PHTF2: variants seen among roughly 807,000 people sequenced by gnomAD.
PHTF2 encodes the protein protein PHTF2.
Under a neutral mutation model 101.2 loss-of-function variants are expected in PHTF2, and 60 were observed. The ratio of observed to expected loss-of-function variants is 0.59; its 90% confidence interval spans 0.48 to 0.73. PHTF2 has a LOEUF of 0.73. PHTF2 is among the 30% of genes least tolerant of loss of function. The probability of loss-of-function intolerance (pLI) is 0.00; values close to 1 mark genes in which losing one functional copy is unlikely to be tolerated. For synonymous variants in PHTF2, 311 were observed against 307.3 expected (o/e 1.01, Z -0.13); for missense variants, 747 against 908.7 (o/e 0.82, Z 2.29).
At chr7:77,919,957 A>G (rs1219195812) in intron 9 of PHTF2, among the ~76,000 whole-genome samples, 1 of 152,178 alleles carries the variant, frequency 6.6e-6, no homozygotes, top group Non-Finnish European at 1.5e-5. Flanking sequence ...TATATTTTTA[A>G]CCATAATAAA....
intron 3 of PHTF2, among the ~76,000 whole-genome samples, chr7:77,893,361 T>C (rs1800606655): frequency 6.6e-6 from 1 of 152,200 alleles, no homozygotes; most frequent in South Asian, 2.1e-4. Context: ...TTTCTGATTC[T>C]GTAACTCTGG....
chr7:77,947,161 GCAACAACAA>G (rs138016145), intron 16 of PHTF2, among the ~76,000 whole-genome samples: 15 of 151,548 alleles, frequency 9.9e-5, no homozygotes, highest in Admixed American at 3.9e-4. Flanking sequence ...ATTTTCAATA[GCAACAACAA>G]CAACAACAAC....
At chr7:77,896,939 A>C (rs1800926251) in intron 5 of PHTF2, among the ~76,000 whole-genome samples, 1 of 152,238 alleles carries the variant, frequency 6.6e-6, no homozygotes, top group Non-Finnish European at 1.5e-5. Context: ...TTAAAGACCC[A>C]GAGTTGATAT....
chr7:77,809,320 G>A (rs903968032), intron 1 of PHTF2, among the ~76,000 whole-genome samples: 2 of 143,064 alleles, frequency 1.4e-5, no homozygotes, highest in African/African-American at 5.3e-5. Context: ...TCCGCCTCCC[G>A]GCTTCAAATG....
At chr7:77,799,235 C>T (rs1472770228) in intron 1 of PHTF2, among the ~76,000 whole-genome samples, 1 of 152,130 alleles carries the variant, frequency 6.6e-6, no homozygotes, top group African/African-American at 2.4e-5. Flanking sequence ...TCGCGCGGTC[C>T]TCAAGTCTTG....
intron 1 of PHTF2, among the ~76,000 whole-genome samples, chr7:77,812,114 C>A (rs537391328): frequency 3.9e-5 from 6 of 152,070 alleles, no homozygotes; most frequent in Non-Finnish European, 7.4e-5. Context: ...GAAAAAGAAC[C>A]TGGATGGTGA....
chr7:77,848,783 T>G (rs1275385194), intron 2 of PHTF2, among the ~76,000 whole-genome samples: 1 of 152,200 alleles, frequency 6.6e-6, no homozygotes, highest in Non-Finnish European at 1.5e-5. Context: ...CTTTGCCCAG[T>G]CCATTATCTT....
intron 1 of PHTF2, among the ~76,000 whole-genome samples, chr7:77,799,215 C>T (rs1444063624): frequency 1.3e-5 from 2 of 152,184 alleles, no homozygotes; most frequent in African/African-American, 2.4e-5. Context: ...CAGCCGCCTT[C>T]CTCCCGAGCT....
At chr7:77,905,087 G>A (rs533381048) in intron 7 of PHTF2, among the ~76,000 whole-genome samples, 2 of 152,332 alleles carry the variant, frequency 1.3e-5, no homozygotes, top group Admixed American at 6.5e-5. Context: ...GCCCAGGGAA[G>A]CCAAAAGATT....
At chr7:77,878,112 CAG>C (rs1294316039) in intron 3 of PHTF2, among the ~76,000 whole-genome samples, 1 of 152,068 alleles carries the variant, frequency 6.6e-6, no homozygotes, top group African/African-American at 2.4e-5. Flanking sequence ...GTTTTTGCAG[CAG>C]AGAGTTGAAA....
chr7:77,940,432 C>A (rs1298385904), intron 14 of PHTF2, 96 bp from the exon 14 acceptor site: 39 of 1,299,202 alleles, frequency 3.0e-5, no homozygotes, highest in Non-Finnish European at 4.0e-5. Flanking sequence ...TTTTATAGTA[C>A]CTAACCAAAT....
exon 20 of PHTF2, chr7:77,955,004 A>G: frequency 4.2e-6 from 2 of 472,530 alleles, no homozygotes; most frequent in South Asian, 8.1e-5. Flanking sequence ...TTTACATCAG[A>G]CTGTCTTGTG....
chr7:77,833,163 G>A (rs528744142), intron 1 of PHTF2, among the ~76,000 whole-genome samples: 1 of 152,324 alleles, frequency 6.6e-6, no homozygotes, highest in African/African-American at 2.4e-5. Context: ...TTAAATGGAA[G>A]AATTTGGGAG....
chr7:77,879,080 A>G (rs960564580), intron 3 of PHTF2, among the ~76,000 whole-genome samples: 6 of 152,190 alleles, frequency 3.9e-5, no homozygotes, highest in African/African-American at 9.7e-5. Context: ...TTCTTATGCA[A>G]CCATATCCAG....
At chr7:77,872,499 C>T (rs1798601565) in intron 3 of PHTF2, among the ~76,000 whole-genome samples, 1 of 152,208 alleles carries the variant, frequency 6.6e-6, no homozygotes, top group Admixed American at 6.5e-5. Flanking sequence ...ATTCTGATTG[C>T]CGCTTTGCCT....
At chr7:77,820,057 T>C (rs1794157112) in intron 1 of PHTF2, among the ~76,000 whole-genome samples, 1 of 152,000 alleles carries the variant, frequency 6.6e-6, no homozygotes, top group African/African-American at 2.4e-5. Flanking sequence ...ACCCGGCTAA[T>C]TTTGTATTTT....
At chr7:77,891,482 T>G (rs1199392037) in intron 3 of PHTF2, among the ~76,000 whole-genome samples, 1 of 152,172 alleles carries the variant, frequency 6.6e-6, no homozygotes, top group Admixed American at 6.5e-5. Context: ...TCATAGAGAC[T>G]CATGGCAGTT....
chr7:77,953,946 T>C (rs1806765992), intron 19 of PHTF2, 52 bp downstream of exon 18: 1 of 1,574,562 alleles, frequency 6.4e-7, no homozygotes, highest in Non-Finnish European at 8.7e-7. Context: ...GCATTTTTGT[T>C]GCGCCCATTT....
chr7:77,922,753 A>C lies in PHTF2; in HGVS notation c.1094A>C (p.His365Pro), dbSNP rs752955673. The change falls in exon 11 of 20, where the codon CAT (histidine) becomes CCT (proline). Residue 365 changes from histidine (H) to proline (P), a missense_variant. Physicochemically the swap from His to Pro is moderately conservative, Grantham distance 77. Coordinates refer to ENST00000416283, the Ensembl canonical transcript of PHTF2. ...GTTCTTCGGAATAGAAAGTCACACC[A>C]TTATAAGAAACATTACCCTAATGAG... The C allele has an allele frequency of 5.0e-6, 8 of 1,602,454 alleles. No homozygotes were observed. The African/African-American group carries it at 9.4e-5, about 19-fold the overall frequency.
Sources: allele counts gnomAD v4.1 joint callset (sites outside exome capture counted in the v4.1 genomes callset), GRCh38; gene constraint gnomAD v4.1.1; transcripts MANE v1.5; gene names NCBI Gene and HGNC (gene_info 2026-07-23, HGNC 2026-07-21).